CNTN5: variants seen among roughly 807,000 people sequenced by gnomAD.
CNTN5 encodes contactin 5.
CNTN5 carries 77 observed loss-of-function variants against 129.1 expected under a neutral mutation model. That is an observed-to-expected ratio of 0.60 (90% CI 0.50 to 0.72). The LOEUF is 0.72. Among genes scored for constraint, CNTN5 ranks in the 30% least tolerant of loss-of-function variants. The probability of loss-of-function intolerance (pLI) is 0.00; values close to 1 mark genes in which losing one functional copy is unlikely to be tolerated. For synonymous variants in CNTN5, 509 were observed against 465.6 expected (o/e 1.09, Z -1.20); for missense variants, 1,478 against 1,328.8 (o/e 1.11, Z -1.75).
intron 18 of CNTN5, among the ~76,000 whole-genome samples, chr11:100,288,141 T>A (rs1448149592): frequency 6.6e-6 from 1 of 151,952 alleles, no homozygotes; most frequent in African/African-American, 2.4e-5. Context: ...AGACTTAGAC[T>A]CCCACACATT....
intron 9 of CNTN5, among the ~76,000 whole-genome samples, chr11:100,055,406 A>G (rs10750469): frequency 0.51 from 76,793 of 151,112 alleles, 20,238 homozygotes; most frequent in East Asian, 0.75. Context: ...CACTTCTTGC[A>G]TCTTAAACTT....
intron 2 of CNTN5, among the ~76,000 whole-genome samples, chr11:99,528,401 T>A (rs1269320745): frequency 6.6e-6 from 1 of 152,198 alleles, no homozygotes; most frequent in Non-Finnish European, 1.5e-5. Context: ...AAGCAAAATC[T>A]ATAAATGCAT....
intron 1 of CNTN5, among the ~76,000 whole-genome samples, chr11:99,311,114 A>T (rs975806613): frequency 2.6e-5 from 4 of 152,008 alleles, no homozygotes; most frequent in African/African-American, 9.7e-5. Context: ...TTTTTAGTAG[A>T]GACTGGGTTT....
intron 3 of CNTN5, among the ~76,000 whole-genome samples, chr11:99,734,410 A>G (rs2135118079): frequency 6.6e-6 from 1 of 152,276 alleles, no homozygotes; most frequent in Non-Finnish European, 1.5e-5. Flanking sequence ...GTACCTGGCC[A>G]TGTTAGGTGT....
chr11:99,613,331 G>A (rs76878200), intron 3 of CNTN5, among the ~76,000 whole-genome samples: 10,525 of 152,190 alleles, frequency 0.069, 406 homozygotes, highest in East Asian at 0.1. Flanking sequence ...GCTTCGCTGG[G>A]CCTGTCTTCT....
At chr11:99,553,975 C>CACACACACACACACACAT (rs1948580995) in intron 2 of CNTN5, among the ~76,000 whole-genome samples, 3 of 121,434 alleles carry the variant, frequency 2.5e-5, no homozygotes, top group South Asian at 3.5e-4. Flanking sequence ...TACACACACA[C>CACACACACACACACACAT]ACACACACAC....
chr11:99,145,238 T>C (rs1859719474), intron 1 of CNTN5, among the ~76,000 whole-genome samples: 2 of 151,934 alleles, frequency 1.3e-5, no homozygotes, highest in Admixed American at 1.3e-4. Flanking sequence ...CCTGGCTAAT[T>C]TTTGTATTTT....
chr11:99,514,444 A>G (rs901124160), intron 2 of CNTN5, among the ~76,000 whole-genome samples: 1 of 152,238 alleles, frequency 6.6e-6, no homozygotes, highest in African/African-American at 2.4e-5. Flanking sequence ...ACAGTGTTGC[A>G]TGCTACCGAG....
At chr11:99,146,155 T>C (rs1299104840) in intron 1 of CNTN5, among the ~76,000 whole-genome samples, 4 of 152,168 alleles carry the variant, frequency 2.6e-5, no homozygotes, top group Non-Finnish European at 5.9e-5. Context: ...AATGGATTTA[T>C]GTAATCTATA....
chr11:99,926,380 C>T (rs1415910295), intron 7 of CNTN5, among the ~76,000 whole-genome samples: 1 of 152,138 alleles, frequency 6.6e-6, no homozygotes, highest in Admixed American at 6.5e-5. Flanking sequence ...AGTATCATTG[C>T]TATCTTCAGG....
chr11:99,626,823 A>T (rs1042838373), intron 3 of CNTN5, among the ~76,000 whole-genome samples: 4 of 152,132 alleles, frequency 2.6e-5, no homozygotes, highest in Admixed American at 2.6e-4. Context: ...CAGATGCCCC[A>T]AATACTGACT....
chr11:100,310,184 C>T (rs1051391179), intron 21 of CNTN5, among the ~76,000 whole-genome samples: 1 of 151,932 alleles, frequency 6.6e-6, no homozygotes, highest in Non-Finnish European at 1.5e-5. Context: ...TGAATTCACT[C>T]TAAACCTCTG....
intron 2 of CNTN5, among the ~76,000 whole-genome samples, chr11:99,477,568 A>T (rs1443145616): frequency 5.3e-5 from 8 of 152,026 alleles, no homozygotes; most frequent in Admixed American, 5.2e-4. Context: ...ACAAACATAC[A>T]TATAAAGGGA....
At chr11:99,082,304 G>A (rs1865835547) in intron 1 of CNTN5, among the ~76,000 whole-genome samples, 1 of 151,578 alleles carries the variant, frequency 6.6e-6, no homozygotes, top group African/African-American at 2.4e-5. Context: ...TCCTGCCTCA[G>A]GCTGTGAGTA....
intron 3 of CNTN5, among the ~76,000 whole-genome samples, chr11:99,644,352 C>T (rs576205530): frequency 2.0e-5 from 3 of 152,078 alleles, no homozygotes; most frequent in Non-Finnish European, 4.4e-5. Context: ...TTTAATGTTG[C>T]CTTTGGATTG....
chr11:99,984,340 GA>G (rs1938538100), intron 8 of CNTN5, among the ~76,000 whole-genome samples: 1 of 149,962 alleles, frequency 6.7e-6, no homozygotes, highest in East Asian at 1.9e-4. Flanking sequence ...AGGGAGAAAA[GA>G]AAATGAGAAA....
intron 13 of CNTN5, among the ~76,000 whole-genome samples, chr11:100,147,245 A>G (rs1406083431): frequency 6.6e-6 from 1 of 151,964 alleles, no homozygotes; most frequent in Non-Finnish European, 1.5e-5. Context: ...GGCTTATACT[A>G]TTTTCTCTCC....
At chr11:99,296,476 A>G (rs1256572650) in intron 1 of CNTN5, among the ~76,000 whole-genome samples, 2 of 152,218 alleles carry the variant, frequency 1.3e-5, no homozygotes, top group African/African-American at 4.8e-5. Context: ...ATCTACTTTT[A>G]TAATACCAGC....
chr11:99,880,428 AT>A (rs1436928491), intron 6 of CNTN5, among the ~76,000 whole-genome samples: 1 of 151,462 alleles, frequency 6.6e-6, no homozygotes, highest in African/African-American at 2.5e-5. Flanking sequence ...TTTCTACTCC[AT>A]TCATTTTTTT....
Sources: allele counts gnomAD v4.1 joint callset (sites outside exome capture counted in the v4.1 genomes callset), GRCh38; gene constraint gnomAD v4.1.1; transcripts MANE v1.5; gene names NCBI Gene and HGNC (gene_info 2026-07-23, HGNC 2026-07-21).